The following LRRTM4 variants were observed in gnomAD, a reference collection of about 807,000 sequenced individuals.
LRRTM4 encodes the protein leucine-rich repeat transmembrane neuronal protein 4.
A neutral mutation model predicts 47.6 loss-of-function variants in LRRTM4; 25 were observed. The ratio of observed to expected loss-of-function variants is 0.53; its 90% CI spans 0.38 to 0.73. The LOEUF is 0.73. Among genes scored for constraint, LRRTM4 ranks in the 30% least tolerant of loss-of-function variants. The pLI is 0.00. For missense variants in LRRTM4, 638 were observed against 713.4 expected (o/e 0.89, Z 1.20); for synonymous variants, 311 against 269.5 (o/e 1.15, Z -1.51).
At chr2:77,433,400 G>C (rs1675463812) in intron 3 of LRRTM4, among the ~76,000 whole-genome samples, 1 of 152,142 alleles carries the variant, frequency 6.6e-6, no homozygotes, top group African/African-American at 2.4e-5. Flanking sequence ...AGGTCAAACA[G>C]AATTAACCAT....
chr2:77,153,284 GGAGAAT>G (rs1443340496), intron 3 of LRRTM4, among the ~76,000 whole-genome samples: 1 of 152,118 alleles, frequency 6.6e-6, no homozygotes, highest in Non-Finnish European at 1.5e-5. Flanking sequence ...GTAGATGTGA[GGAGAAT>G]GCTTTCCTGC....
chr2:77,128,040 G>A (rs1441394073), intron 3 of LRRTM4, among the ~76,000 whole-genome samples: 1 of 152,058 alleles, frequency 6.6e-6, no homozygotes, highest in Non-Finnish European at 1.5e-5. Context: ...CTACTCAGGA[G>A]GCTGAGGCAG....
intron 3 of LRRTM4, among the ~76,000 whole-genome samples, chr2:76,853,928 T>C (rs1266137594): frequency 6.6e-6 from 1 of 152,186 alleles, no homozygotes; most frequent in Non-Finnish European, 1.5e-5. Context: ...CAGTTGTGGA[T>C]ATTGTTTAAA....
At chr2:76,821,604 A>G (rs1019133122) in intron 3 of LRRTM4, among the ~76,000 whole-genome samples, 4 of 151,772 alleles carry the variant, frequency 2.6e-5, no homozygotes, top group African/African-American at 9.7e-5. Context: ...TAAAATAAAA[A>G]TAACCAATAT....
intron 3 of LRRTM4, among the ~76,000 whole-genome samples, chr2:76,966,316 G>A (rs186231058): frequency 5.9e-5 from 9 of 151,440 alleles, no homozygotes; most frequent in Admixed American, 5.3e-4. Flanking sequence ...AGGAGGAGCA[G>A]GGAGCAAAGG....
chr2:76,850,707 ATATG>A (rs1265559289), intron 3 of LRRTM4, among the ~76,000 whole-genome samples: 3 of 152,138 alleles, frequency 2.0e-5, no homozygotes, highest in South Asian at 2.1e-4. Flanking sequence ...ATGCCATCTG[ATATG>A]TATGTGTGTG....
intron 3 of LRRTM4, among the ~76,000 whole-genome samples, chr2:77,409,649 T>G (rs1185109831): frequency 6.6e-6 from 1 of 152,222 alleles, no homozygotes. Context: ...GTTTCTTTAA[T>G]AAGAAATATC....
In LRRTM4 at chr2:77,518,857, T is replaced by C; in HGVS notation, c.1012A>G (p.Ile338Val). 1 of 1,607,542 alleles carries C rather than the reference T, an allele frequency of 6.2e-7. No individual in the cohort carries two copies. Among genetic ancestry groups the C allele is most frequent in the South Asian group, 1.1e-5 (1 of 90,306 alleles). ...NFKGNKESTMICAGPKHIQGE... is the reference protein window; with the variant it reads ...NFKGNKESTMVCAGPKHIQGE... ...TGGATGTGCTTAGGTCCCGCACATA[T>C]CATGGTGCTTTCCTTATTTCCTTTG... Residue 338 changes from isoleucine to valine, a missense_variant, in exon 3 of 4, where the codon ATA (isoleucine) becomes GTA (valine). Coordinates refer to ENST00000409884, the MANE Select transcript of LRRTM4 (RefSeq NM_001134745.3).
At chr2:77,156,334 A>AC (rs1672559314) in intron 3 of LRRTM4, among the ~76,000 whole-genome samples, 3 of 151,558 alleles carry the variant, frequency 2.0e-5, no homozygotes, top group African/African-American at 7.3e-5. Flanking sequence ...TACAAAAAAA[A>AC]ACAGAAAAAA....
intron 3 of LRRTM4, among the ~76,000 whole-genome samples, chr2:76,801,962 G>A (rs1016796339): frequency 1.3e-5 from 2 of 152,040 alleles, no homozygotes; most frequent in Non-Finnish European, 2.9e-5. Flanking sequence ...GATATAGAAG[G>A]AATGTACCTA....
intron 3 of LRRTM4, among the ~76,000 whole-genome samples, chr2:77,198,457 G>T (rs537314647): frequency 6.6e-6 from 1 of 152,256 alleles, no homozygotes; most frequent in Non-Finnish European, 1.5e-5. Flanking sequence ...ATCATTTTAA[G>T]TACAATGTAG....
At chr2:76,795,509 A>C (rs375424356) in intron 3 of LRRTM4, among the ~76,000 whole-genome samples, 2 of 152,282 alleles carry the variant, frequency 1.3e-5, no homozygotes, top group East Asian at 1.9e-4. Context: ...TGAGTATTTA[A>C]AATATGAGAG....
intron 3 of LRRTM4, among the ~76,000 whole-genome samples, chr2:77,052,556 C>T (rs973247944): frequency 3.9e-5 from 6 of 151,996 alleles, no homozygotes; most frequent in Non-Finnish European, 7.4e-5. Flanking sequence ...TTAAAGTCTC[C>T]TCCCATCTTT....
chr2:76,932,406 T>G (rs1016274086), intron 3 of LRRTM4, among the ~76,000 whole-genome samples: 1 of 152,108 alleles, frequency 6.6e-6, no homozygotes, highest in African/African-American at 2.4e-5. Flanking sequence ...TACATTATGA[T>G]ATGTATACAG....
At chr2:77,157,056 C>G (rs572691890) in intron 3 of LRRTM4, among the ~76,000 whole-genome samples, 14 of 152,002 alleles carry the variant, frequency 9.2e-5, no homozygotes, top group Non-Finnish European at 1.9e-4. Context: ...TAAACAAACC[C>G]TTAACATTTT....
In LRRTM4 at chr2:77,306,361, T is replaced by TA. The variant is rs1677271721; in HGVS notation, c.1551+211956dup. On this transcript the variant is annotated intron_variant, in intron 3 of 3. Transcript: ENST00000409884. Reference sequence around the variant, plus strand: ...CAATGGCTTATATCAGGTTGGTATGTAACCTCCTTGCAATAGCTCTACTGC... The same window carrying TA: ...CAATGGCTTATATCAGGTTGGTATGTAAACCTCCTTGCAATAGCTCTACTGC... 2.0e-5 allele frequency among the ~76,000 whole-genome samples: 3 copies of TA among 152,344 alleles called. No individual in the cohort carries two copies. In the South Asian group the frequency reaches 6.2e-4, roughly 32 times the overall value.
At chr2:77,485,007 T>C (rs1186950668) in intron 3 of LRRTM4, among the ~76,000 whole-genome samples, 2 of 152,112 alleles carry the variant, frequency 1.3e-5, no homozygotes, top group African/African-American at 4.8e-5. Context: ...GAATTAGATA[T>C]TTAGTATAAT....
intron 3 of LRRTM4, among the ~76,000 whole-genome samples, chr2:77,151,488 T>C (rs897543415): frequency 5.3e-5 from 8 of 152,210 alleles, no homozygotes; most frequent in African/African-American, 1.9e-4. Context: ...AAGAGGTTCA[T>C]TGTAGCATTA....
rs950323478 is a variant in LRRTM4, at chr2:76,850,646, A to T, written c.1552-101730T>A. ...CTTTGCACACAGTAGGAACTTAGCA[A>T]CTGTCACTGTCCTTTCCCCACCTCT... is the stretch of plus-strand genomic sequence containing the variant. On this transcript the variant is annotated intron_variant, in intron 3 of 3. Coordinates refer to ENST00000409884, the MANE Select transcript of LRRTM4 (RefSeq NM_001134745.3). Among the ~76,000 whole-genome samples, 6 of 152,160 alleles carry T rather than the reference A, an allele frequency of 3.9e-5. No individual in the cohort carries two copies. In the East Asian group the frequency reaches 1.2e-3, roughly 29 times the overall value.
Sources: allele counts gnomAD v4.1 joint callset (sites outside exome capture counted in the v4.1 genomes callset), GRCh38; gene constraint gnomAD v4.1.1; transcripts MANE v1.5; gene names NCBI Gene and HGNC (gene_info 2026-07-23, HGNC 2026-07-21).